Variants in PHACTR1 observed in about 807,000 individuals in gnomAD.
PHACTR1 encodes the protein RPEL repeat containing 1.
A neutral mutation model predicts 69.2 loss-of-function variants in PHACTR1; 16 were observed. The ratio of observed to expected loss-of-function variants is 0.23; its 90% CI spans 0.16 to 0.35. PHACTR1 has a LOEUF of 0.35. PHACTR1 is among the 10% of genes least tolerant of loss of function. The pLI, the probability that PHACTR1 is intolerant of heterozygous loss-of-function variation, is 1.00. For missense variants in PHACTR1, 510 were observed against 734.7 expected (o/e 0.69, Z 3.54); for synonymous variants, 312 against 284.5 (o/e 1.10, Z -0.97).
chr6:12,999,985 A>T (rs1452713974), intron 4 of PHACTR1, among the ~76,000 whole-genome samples: 1 of 152,216 alleles, frequency 6.6e-6, no homozygotes, highest in African/African-American at 2.4e-5. Flanking sequence ...ATGAAGAAAA[A>T]CTTAAATACT....
At chr6:13,195,615 G>A (rs569166041) in intron 7 of PHACTR1, among the ~76,000 whole-genome samples, 126 of 151,934 alleles carry the variant, frequency 8.3e-4, no homozygotes, top group African/African-American at 2.8e-3. Context: ...AAAATTAGCT[G>A]GGCGTTGTGG....
chr6:12,840,083 G>A (rs774630900), intron 4 of PHACTR1, among the ~76,000 whole-genome samples: 1 of 152,094 alleles, frequency 6.6e-6, no homozygotes, highest in South Asian at 2.1e-4. Flanking sequence ...CAGGCATCAA[G>A]CAAGCTATCA....
intron 4 of PHACTR1, among the ~76,000 whole-genome samples, chr6:12,860,098 A>G (rs1243949535): frequency 3.3e-5 from 5 of 151,870 alleles, no homozygotes; most frequent in African/African-American, 4.8e-5. Flanking sequence ...GGTTTGCTAC[A>G]CCCATCAACC....
chr6:12,748,282 G>T (rs1000223425), intron 3 of PHACTR1, among the ~76,000 whole-genome samples: 5 of 152,144 alleles, frequency 3.3e-5, no homozygotes, highest in Admixed American at 3.3e-4. Context: ...GAAGAGAGAA[G>T]AAGATTCTAG....
At chr6:13,144,049 C>G (rs1056725615) in intron 5 of PHACTR1, among the ~76,000 whole-genome samples, 1 of 152,064 alleles carries the variant, frequency 6.6e-6, no homozygotes, top group Non-Finnish European at 1.5e-5. Context: ...AAGGGAACTT[C>G]TAAATTCTGA....
chr6:12,760,304 T>G (rs1364650845), intron 4 of PHACTR1, among the ~76,000 whole-genome samples: 2 of 152,160 alleles, frequency 1.3e-5, no homozygotes, highest in Non-Finnish European at 2.9e-5. Flanking sequence ...GACAACACAA[T>G]GAATATGAGT....
At chr6:13,046,819 A>AAG (rs1294633585) in intron 4 of PHACTR1, among the ~76,000 whole-genome samples, 3 of 152,006 alleles carry the variant, frequency 2.0e-5, no homozygotes, top group African/African-American at 4.8e-5. Flanking sequence ...TAAAAAAAAA[A>AAG]AAAATCAAAA....
intron 4 of PHACTR1, among the ~76,000 whole-genome samples, chr6:12,965,000 A>T (rs961122989): frequency 2.0e-5 from 3 of 152,152 alleles, no homozygotes; most frequent in Non-Finnish European, 4.4e-5. Context: ...CAAGTTCCTG[A>T]TAGAAAATAG....
intron 4 of PHACTR1, among the ~76,000 whole-genome samples, chr6:12,932,511 A>T (rs1562025032): frequency 6.6e-6 from 1 of 152,228 alleles, no homozygotes; most frequent in Non-Finnish European, 1.5e-5. Context: ...ATATAAGTCT[A>T]CTTATTCTTG....
At chr6:13,121,109 G>A (rs1476251780) in intron 5 of PHACTR1, among the ~76,000 whole-genome samples, 2 of 152,202 alleles carry the variant, frequency 1.3e-5, no homozygotes, top group Non-Finnish European at 2.9e-5. Context: ...TAGGTCTTGG[G>A]TGGTCTGCAG....
chr6:13,189,408 T>A (rs1449146971), intron 7 of PHACTR1, among the ~76,000 whole-genome samples: 1 of 152,056 alleles, frequency 6.6e-6, no homozygotes, highest in Non-Finnish European at 1.5e-5. Context: ...CTTTTTTTTT[T>A]CTTTTTTTGA....
chr6:12,752,207 C>G (rs1486908369), intron 4 of PHACTR1, among the ~76,000 whole-genome samples: 1 of 152,192 alleles, frequency 6.6e-6, no homozygotes, highest in East Asian at 1.9e-4. Flanking sequence ...ATGTGCCTTT[C>G]TCCCGCATTT....
intron 5 of PHACTR1, among the ~76,000 whole-genome samples, chr6:13,100,196 A>T (rs1217167209): frequency 2.6e-5 from 4 of 152,244 alleles, no homozygotes; most frequent in African/African-American, 9.6e-5. Flanking sequence ...TAAGTTTAGT[A>T]TAAGTTTTGG....
At chr6:12,733,186 ATGTTTC>A (rs1763779867) in intron 3 of PHACTR1, among the ~76,000 whole-genome samples, 1 of 152,186 alleles carries the variant, frequency 6.6e-6, no homozygotes, top group East Asian at 1.9e-4. Context: ...GATATTTGTA[ATGTTTC>A]ATTTAACCGT....
At chr6:13,175,623 C>T (rs80285744) in intron 6 of PHACTR1, among the ~76,000 whole-genome samples, 2,617 of 152,338 alleles carry the variant, frequency 0.017, 33 homozygotes, top group South Asian at 0.023. Context: ...ACCATTCTTT[C>T]TATCACCTGT....
At chr6:12,761,172 T>G (rs1440306325) in intron 4 of PHACTR1, among the ~76,000 whole-genome samples, 2 of 152,236 alleles carry the variant, frequency 1.3e-5, no homozygotes, top group Admixed American at 6.5e-5. Context: ...TGAAAATGCT[T>G]TGCCAACAGC....
At chr6:13,284,543 A>AAAAT (rs1554187813) in intron 13 of PHACTR1, among the ~76,000 whole-genome samples, 58 of 61,324 alleles carry the variant, frequency 9.5e-4, no homozygotes, top group Admixed American at 1.3e-3. Flanking sequence ...AAAAAAAAAA[A>AAAAT]ATATATATAT....
Position 12,854,553 on chromosome 6 carries a change from CA to C in PHACTR1, c.250+104764del, listed in dbSNP as rs1261360355. Among the ~76,000 whole-genome samples the C allele has an allele frequency of 5.4e-3, 3 of 556 alleles. No homozygotes were observed. The East Asian group carries it at 0.25, about 46-fold the overall frequency. 0.4% of individuals were successfully genotyped at this position (556 alleles called of 152,430 possible). Reference sequence around the variant, plus strand: ...ATACCTAATTCTTAAAAACTTTGCTCAGCCTCAGCTTCTACACAGCCAAAGA... The same window carrying C: ...ATACCTAATTCTTAAAAACTTTGCTCGCCTCAGCTTCTACACAGCCAAAGA... On this transcript the variant is annotated intron_variant, in intron 4 of 14. Coordinates refer to ENST00000332995, the MANE Select transcript of PHACTR1 (RefSeq NM_030948.6).
intron 4 of PHACTR1, among the ~76,000 whole-genome samples, chr6:12,919,268 G>A (rs909884764): frequency 2.0e-5 from 3 of 151,966 alleles, no homozygotes; most frequent in African/African-American, 2.4e-5. Context: ...TCAGCCTCCC[G>A]AGTAGCTGGG....
Sources: gnomAD v4.1 joint callset for allele counts (sites outside exome capture counted in the v4.1 genomes callset) on GRCh38, gnomAD v4.1.1 for gene constraint, MANE v1.5 for transcripts, NCBI Gene and HGNC (gene_info 2026-07-23, HGNC 2026-07-21) for gene names.